AGFG1: variants seen among roughly 807,000 people sequenced by gnomAD.
AGFG1 encodes the protein ArfGAP with FG repeats 1, also known as arf-GAP domain and FG repeat-containing protein 1.
Under a neutral mutation model 60.6 loss-of-function variants are expected in AGFG1, and 10 were observed. The ratio of observed to expected loss-of-function variants is 0.16; its 90% CI spans 0.10 to 0.28. The LOEUF is 0.28. Among genes scored for constraint, AGFG1 ranks in the 10% least tolerant of loss-of-function variants. The pLI is 1.00. For synonymous variants in AGFG1, 247 were observed against 242.9 expected (o/e 1.02, Z -0.16); for missense variants, 537 against 676.5 (o/e 0.79, Z 2.29).
chr2:227,515,066 A>G (rs1575088941), intron 2 of AGFG1, among the ~76,000 whole-genome samples: 1 of 151,994 alleles, frequency 6.6e-6, no homozygotes, highest in Non-Finnish European at 1.5e-5. Context: ...GGGACTACAC[A>G]TGCACCACCA....
At chr2:227,535,476 G>T (rs922595389) in intron 8 of AGFG1, among the ~76,000 whole-genome samples, 1 of 152,194 alleles carries the variant, frequency 6.6e-6, no homozygotes, top group Non-Finnish European at 1.5e-5. Flanking sequence ...TCTCTTCAGT[G>T]TCATCCTCAT....
chr2:227,531,990 T>G, intron 6 of AGFG1: 1 of 540,624 alleles, frequency 1.8e-6, no homozygotes, highest in East Asian at 3.4e-5. Flanking sequence ...GCTGTTTTCG[T>G]AAACTCATGG....
In AGFG1 at chr2:227,533,690, C is replaced by A. The variant is rs2106220973; in HGVS notation, c.956C>A (p.Ala319Asp). 4 of 1,613,846 alleles carry A rather than the reference C, an allele frequency of 2.5e-6. No homozygotes were observed. Among genetic ancestry groups the A allele is most frequent in the Non-Finnish European group, 3.4e-6 (4 of 1,179,836 alleles). ...GTTAGTAAAGTTTCAACGAACAAAGCTGGTTTACAGACTGCAGACAAATAT... is the reference window on the plus strand; with the variant it reads ...GTTAGTAAAGTTTCAACGAACAAAGATGGTTTACAGACTGCAGACAAATAT... ...SAVSKVSTNK[A>D]GLQTADKYAA... Residue 319 changes from alanine to aspartate, a missense_variant, in exon 7 of 13, where the codon GCT becomes GAT. Coordinates refer to ENST00000310078, the MANE Select transcript of AGFG1 (RefSeq NM_004504.5).
intron 2 of AGFG1, among the ~76,000 whole-genome samples, chr2:227,503,174 T>G (rs115739100): frequency 6.6e-6 from 1 of 151,218 alleles, no homozygotes; most frequent in South Asian, 2.1e-4. Flanking sequence ...GGTTTTAGGC[T>G]GCAGTGAGCT....
At position 227,475,878 on chromosome 2, in the gene AGFG1, T is replaced by C. The variant is rs76528649; in HGVS notation, c.167+3290T>C. 1.4e-4 allele frequency among the ~76,000 whole-genome samples: 22 copies of C among 152,358 alleles called. No individual in the cohort carries two copies. In the East Asian group the frequency reaches 4.2e-3, roughly 29 times the overall value. On this transcript the variant is annotated intron_variant, in intron 1 of 12. Coordinates refer to ENST00000310078, the MANE Select transcript of AGFG1 (RefSeq NM_004504.5). ...GAGTTACAAATATTGAAATAAGGCA[T>C]GCTAGCTGCCGTTCCTTGATTTACC...
intron 10 of AGFG1, among the ~76,000 whole-genome samples, 182 bp from the exon 11 acceptor site, chr2:227,551,777 A>G (rs1692827988): frequency 6.6e-6 from 1 of 152,196 alleles, no homozygotes; most frequent in Admixed American, 6.5e-5. Context: ...AATTTCTACA[A>G]GTTACGTTAA....
intron 6 of AGFG1, among the ~76,000 whole-genome samples, chr2:227,533,104 A>G (rs1446667202): frequency 6.6e-6 from 1 of 152,190 alleles, no homozygotes; most frequent in African/African-American, 2.4e-5. Context: ...CATTTTACAC[A>G]TTGTTAATCG....
chr2:227,509,327 G>T (rs182287689), intron 2 of AGFG1, among the ~76,000 whole-genome samples: 42 of 152,088 alleles, frequency 2.8e-4, no homozygotes, highest in African/African-American at 1.0e-3. Context: ...ACTCTTCAAA[G>T]ATATCATAGT....
intron 1 of AGFG1, 119 bp from the exon 2 acceptor site, chr2:227,491,428 T>C (rs915205555): frequency 1.7e-6 from 1 of 592,198 alleles, no homozygotes; most frequent in East Asian, 3.1e-5. Flanking sequence ...TTTGAGTTTA[T>C]GGAATGAAAA....
At chr2:227,503,304 A>G (rs1353557579) in intron 2 of AGFG1, among the ~76,000 whole-genome samples, 3 of 151,750 alleles carry the variant, frequency 2.0e-5, no homozygotes, top group Non-Finnish European at 4.4e-5. Context: ...ATATAGTGTC[A>G]TTTGTGTATT....
intron 1 of AGFG1, among the ~76,000 whole-genome samples, chr2:227,488,668 G>A (rs905427705): frequency 6.6e-6 from 1 of 152,186 alleles, no homozygotes; most frequent in Admixed American, 6.5e-5. Context: ...TTTGGGGCAA[G>A]GTAGAATGTA....
chr2:227,534,467 A>G (rs1692251435), intron 7 of AGFG1, among the ~76,000 whole-genome samples: 1 of 152,160 alleles, frequency 6.6e-6, no homozygotes, highest in South Asian at 2.1e-4. Flanking sequence ...ATGCTGGGGA[A>G]ATGATGCTAT....
chr2:227,524,949 A>G, intron 5 of AGFG1, 34 bp downstream of exon 5: 1 of 1,611,296 alleles, frequency 6.2e-7, no homozygotes, highest in South Asian at 1.1e-5. Context: ...TTTGCTGGGG[A>G]TGCATATAAA....
chr2:227,532,736 A>G (rs1356980165), intron 6 of AGFG1, among the ~76,000 whole-genome samples: 1 of 152,166 alleles, frequency 6.6e-6, no homozygotes, highest in African/African-American at 2.4e-5. Flanking sequence ...TTAGAAATAA[A>G]GAACTAATAT....
intron 2 of AGFG1, among the ~76,000 whole-genome samples, chr2:227,516,356 A>G (rs1691650797): frequency 6.6e-6 from 1 of 152,220 alleles, no homozygotes; most frequent in African/African-American, 2.4e-5. Flanking sequence ...ATTGAGAGTT[A>G]CTTCACTTGA....
At position 227,554,548 on chromosome 2, in the gene AGFG1, C is replaced by A; in HGVS notation, c.*53C>A. 1 of 1,405,216 alleles carries A rather than the reference C, an allele frequency of 7.1e-7. No individual in the cohort carries two copies. The highest frequency in any genetic ancestry group is 1.0e-6 in the Non-Finnish European group (1 of 997,972). 87.0% of individuals were successfully genotyped at this position (1,405,216 alleles called of 1,614,324 possible). A position where few individuals can be genotyped will look rare whatever the true frequency, so the allele number is the denominator to read the frequency against. On this transcript the variant is annotated 3_prime_UTR_variant, in exon 13 of 13. Transcript: ENST00000310078. ...ACTTTTATGTGGTCACATTACATCT[C>A]TCCACCTCTTGCACTGTTGTCTTGT...
intron 10 of AGFG1, among the ~76,000 whole-genome samples, chr2:227,544,972 T>G (rs1288907773): frequency 6.6e-6 from 1 of 152,190 alleles, no homozygotes; most frequent in Admixed American, 6.5e-5. Context: ...CTTTGTGGTG[T>G]TCTCTGTATT....
intron 5 of AGFG1, among the ~76,000 whole-genome samples, chr2:227,529,955 A>G (rs980702064): frequency 6.6e-6 from 1 of 151,908 alleles, no homozygotes; most frequent in Non-Finnish European, 1.5e-5. Context: ...AATGTTGGGA[A>G]TTCATGGGAA....
At chr2:227,481,099 C>CTTTTTTTTTTTTTTTTTTTTTTG (rs1690444409) in intron 1 of AGFG1, among the ~76,000 whole-genome samples, 1 of 75,724 alleles carries the variant, frequency 1.3e-5, no homozygotes, top group African/African-American at 5.4e-5. Flanking sequence ...GTGTTTTAGG[C>CTTTTTTTTTTTTTTTTTTTTTTG]TTTTTTTTTT....
Sources: allele counts gnomAD v4.1 joint callset (sites outside exome capture counted in the v4.1 genomes callset), GRCh38; gene constraint gnomAD v4.1.1; transcripts MANE v1.5; gene names NCBI Gene and HGNC (gene_info 2026-07-23, HGNC 2026-07-21).